The following THSD4 variants were observed in gnomAD, a reference collection of about 807,000 sequenced individuals.
THSD4 encodes thrombospondin type-1 domain-containing protein 4.
A neutral mutation model predicts 119.0 loss-of-function variants in THSD4; 69 were observed. That is an observed-to-expected ratio of 0.58 (90% confidence interval 0.48 to 0.71). THSD4 has a LOEUF of 0.71. THSD4 is among the 30% of genes least tolerant of loss of function. THSD4 has a pLI of 0.00. For synonymous variants in THSD4, 524 were observed against 540.4 expected (o/e 0.97, Z 0.42); for missense variants, 1,393 against 1,391.1 (o/e 1.00, Z -0.02).
At chr15:71,415,663 G>C (rs6494921) in intron 7 of THSD4, among the ~76,000 whole-genome samples, 79,807 of 151,844 alleles carry the variant, frequency 0.53, 21,529 homozygotes, top group East Asian at 0.72. Flanking sequence ...CATTAACTAT[G>C]CTCACCTCCC....
At chr15:71,152,254 C>G (rs1048204549) in intron 2 of THSD4, among the ~76,000 whole-genome samples, 3 of 151,966 alleles carry the variant, frequency 2.0e-5, no homozygotes, top group Non-Finnish European at 4.4e-5. Flanking sequence ...GAAACCCCAT[C>G]TCCACTAAAA....
At chr15:71,426,397 G>GTGTGTGTGTT (rs1555412515) in intron 7 of THSD4, among the ~76,000 whole-genome samples, 1,973 of 124,690 alleles carry the variant, frequency 0.016, 55 homozygotes, top group African/African-American at 0.049. Context: ...GTGTGTGTGT[G>GTGTGTGTGTT]TGTGTGTGTT....
At chr15:71,726,435 T>C (rs1403426924) in intron 8 of THSD4, among the ~76,000 whole-genome samples, 3 of 152,186 alleles carry the variant, frequency 2.0e-5, no homozygotes, top group Non-Finnish European at 4.4e-5. Flanking sequence ...GGATACATAT[T>C]TGCAATGTGA....
chr15:71,326,459 C>T (rs1326103520), intron 6 of THSD4, among the ~76,000 whole-genome samples: 3 of 150,488 alleles, frequency 2.0e-5, no homozygotes, highest in Non-Finnish European at 4.4e-5. Flanking sequence ...GGTGGATCGC[C>T]TGAGGTCAGG....
intron 7 of THSD4, among the ~76,000 whole-genome samples, chr15:71,579,461 G>A (rs1245964458): frequency 3.9e-5 from 6 of 152,238 alleles, no homozygotes; most frequent in African/African-American, 1.2e-4. Flanking sequence ...GTCCCCAGAA[G>A]AGGGAGAGCA....
intron 7 of THSD4, among the ~76,000 whole-genome samples, chr15:71,444,623 C>T (rs1037684130): frequency 6.6e-6 from 1 of 152,208 alleles, no homozygotes; most frequent in African/African-American, 2.4e-5. Flanking sequence ...CTCCCTTGTG[C>T]ACGCTCTTGG....
intron 6 of THSD4, among the ~76,000 whole-genome samples, chr15:71,267,230 A>C (rs907020544): frequency 6.6e-6 from 1 of 152,240 alleles, no homozygotes; most frequent in Non-Finnish European, 1.5e-5. Context: ...GGTTACCCAC[A>C]AAGGGAAGCC....
Position 71,355,065 on chromosome 15 carries a change from A to AT in THSD4, c.1016-56621dup, listed in dbSNP as rs549270782. On this transcript the variant is annotated intron_variant, in intron 6 of 17. Coordinates refer to ENST00000261862, the MANE Select transcript of THSD4 (RefSeq NM_024817.3). ...ATTACAAATGTTTCGTAAAACAAAAATAACATTTGCCTAATGCTGACCGTG... is the reference window on the plus strand; with the variant it reads ...ATTACAAATGTTTCGTAAAACAAAAATTAACATTTGCCTAATGCTGACCGTG... Among the ~76,000 whole-genome samples, 160 of 152,334 alleles carry AT rather than the reference A, an allele frequency of 1.1e-3. 2 individuals carry two copies. The highest frequency in any genetic ancestry group is 3.8e-3 in the African/African-American group (157 of 41,572).
intron 7 of THSD4, among the ~76,000 whole-genome samples, chr15:71,412,460 C>G (rs2046702500): frequency 6.6e-6 from 1 of 152,202 alleles, no homozygotes; most frequent in Non-Finnish European, 1.5e-5. Context: ...TGAAATGGCA[C>G]AAATTCCGTA....
At chr15:71,733,178 GA>G (rs2053015830) in intron 10 of THSD4, 1 of 152,224 alleles carries the variant, frequency 6.6e-6, no homozygotes, top group Admixed American at 6.5e-5. Flanking sequence ...GGGGTTCTGG[GA>G]TCAGCTCCCT....
Position 71,401,387 on chromosome 15 carries a change from A to G in THSD4, c.1016-10300A>G, listed in dbSNP as rs560592464. Among the ~76,000 whole-genome samples, 140 of 152,286 alleles carry G rather than the reference A, an allele frequency of 9.2e-4. 1 individual carries two copies. The highest frequency in any genetic ancestry group is 3.0e-3 in the African/African-American group (125 of 41,558). ...TGTTATTTTCTAGATTTTTTTAAAAATTGGTTTTTATTTTCTATTCCACGT... is the reference window on the plus strand; with the variant it reads ...TGTTATTTTCTAGATTTTTTTAAAAGTTGGTTTTTATTTTCTATTCCACGT... On this transcript the variant is annotated intron_variant, in intron 6 of 17. Coordinates refer to ENST00000261862, the MANE Select transcript of THSD4 (RefSeq NM_024817.3).
chr15:71,246,070 A>G (rs1292679363), intron 5 of THSD4, among the ~76,000 whole-genome samples: 3 of 152,200 alleles, frequency 2.0e-5, no homozygotes, highest in Non-Finnish European at 2.9e-5. Context: ...GAAAGAGGAA[A>G]AGGTATACAG....
intron 7 of THSD4, among the ~76,000 whole-genome samples, chr15:71,582,568 G>A (rs2049580244): frequency 1.3e-5 from 2 of 152,066 alleles, no homozygotes; most frequent in South Asian, 4.1e-4. Context: ...CTTGATCTTA[G>A]AGAAAAAGCT....
rs1195725872 is a variant in THSD4, at chr15:71,664,309, T to TC, written c.1357+3575_1357+3576insC. On this transcript the variant is annotated intron_variant, in intron 8 of 17. Coordinates refer to ENST00000261862, the MANE Select transcript of THSD4 (RefSeq NM_024817.3). Reference sequence around the variant, plus strand: ...AGATTCCAGAACTTTTACAACTTTATTTTTTTTTAGTTTCCTGTTGTTTCC... The same window carrying TC: ...AGATTCCAGAACTTTTACAACTTTATCTTTTTTTTAGTTTCCTGTTGTTTCC... 5.4e-5 allele frequency among the ~76,000 whole-genome samples: 8 copies of TC among 149,396 alleles called. No individual in the cohort carries two copies. The South Asian group carries it at 1.7e-3, about 32-fold the overall frequency.
intron 8 of THSD4, among the ~76,000 whole-genome samples, chr15:71,696,403 C>A (rs1358311318): frequency 1.3e-5 from 2 of 152,174 alleles, no homozygotes; most frequent in Non-Finnish European, 2.9e-5. Flanking sequence ...AACAAGAATT[C>A]ACTCACTACA....
intron 6 of THSD4, among the ~76,000 whole-genome samples, chr15:71,321,360 AC>A (rs757426105): frequency 1.3e-5 from 2 of 152,078 alleles, no homozygotes; most frequent in Non-Finnish European, 2.9e-5. Context: ...ACATGGTAAA[AC>A]CCTGTCTCTA....
intron 6 of THSD4, among the ~76,000 whole-genome samples, chr15:71,354,958 C>T (rs756901268): frequency 3.3e-4 from 50 of 152,316 alleles, no homozygotes; most frequent in African/African-American, 9.6e-4. Flanking sequence ...CCTGTACTTA[C>T]GTTTAGTGAA....
At chr15:71,546,880 T>C (rs1226683117) in intron 7 of THSD4, among the ~76,000 whole-genome samples, 1 of 152,202 alleles carries the variant, frequency 6.6e-6, no homozygotes, top group Non-Finnish European at 1.5e-5. Flanking sequence ...AAAAATAAAC[T>C]GCAGCCCAGA....
chr15:71,205,507 T>C (rs1419946241), intron 3 of THSD4, among the ~76,000 whole-genome samples: 1 of 152,200 alleles, frequency 6.6e-6, no homozygotes, highest in African/African-American at 2.4e-5. Context: ...TTTATCTTGG[T>C]TTCCCTGGGC....
Sources: gnomAD v4.1 joint callset for allele counts (sites outside exome capture counted in the v4.1 genomes callset) on GRCh38, gnomAD v4.1.1 for gene constraint, MANE v1.5 for transcripts, NCBI Gene and HGNC (gene_info 2026-07-23, HGNC 2026-07-21) for gene names.